Variants in CPLANE1 observed in about 807,000 individuals in gnomAD.
The protein encoded by CPLANE1 is ciliogenesis and planar polarity effector complex subunit 1, also known as ciliogenesis and planar polarity effector 1.
Under a neutral mutation model 362.5 loss-of-function variants are expected in CPLANE1, and 263 were observed. The observed-to-expected ratio is 0.73, with a 90% confidence interval of 0.66 to 0.80. The LOEUF is 0.80. Among genes scored for constraint, CPLANE1 ranks in the 30% least tolerant of loss-of-function variants. CPLANE1 has a pLI of 0.00. For missense variants in CPLANE1, 3,461 were observed against 3,793.4 expected (o/e 0.91, Z 2.30); for synonymous variants, 1,212 against 1,302.6 (o/e 0.93, Z 1.50).
At chr5:37,175,434 G>C (rs1220422709) in intron 31 of CPLANE1, among the ~76,000 whole-genome samples, 1 of 152,156 alleles carries the variant, frequency 6.6e-6, no homozygotes, top group Non-Finnish European at 1.5e-5. Flanking sequence ...GCTTTCAACA[G>C]GTCTCAAGGA....
chr5:37,095,442 T>TA, the CPLANE1 span, among the ~76,000 whole-genome samples: 1 of 152,172 alleles, frequency 6.6e-6, no homozygotes, highest in African/African-American at 2.4e-5. Flanking sequence ...CTCAATGTAA[T>TA]AAAAGACATC....
At chr5:37,166,470 T>C (rs1460180424) in intron 35 of CPLANE1, among the ~76,000 whole-genome samples, 3 of 152,158 alleles carry the variant, frequency 2.0e-5, no homozygotes, top group African/African-American at 7.2e-5. Context: ...AATAGATGAG[T>C]TCAGTGCAGT....
At chr5:37,130,125 C>G (rs1765347986) in intron 46 of CPLANE1, among the ~76,000 whole-genome samples, 1 of 152,136 alleles carries the variant, frequency 6.6e-6, no homozygotes, top group African/African-American at 2.4e-5. Flanking sequence ...GACCATTATC[C>G]TAAGTGAAAT....
chr5:37,167,540 A>G (rs1377047013), intron 34 of CPLANE1, among the ~76,000 whole-genome samples: 1 of 152,172 alleles, frequency 6.6e-6, no homozygotes, highest in Non-Finnish European at 1.5e-5. Context: ...GCACTTTGGG[A>G]GGTCGAGACG....
At chr5:37,247,185 C>T (rs941276288) in intron 2 of CPLANE1, among the ~76,000 whole-genome samples, 3 of 152,166 alleles carry the variant, frequency 2.0e-5, no homozygotes, top group East Asian at 1.9e-4. Flanking sequence ...GGATTACTAA[C>T]GTATTGTGGC....
chr5:37,241,413 CCA>C (rs755486066), intron 6 of CPLANE1, among the ~76,000 whole-genome samples: 1 of 152,028 alleles, frequency 6.6e-6, no homozygotes, highest in South Asian at 2.1e-4. Context: ...CAAGATTGCA[CCA>C]CCACACTCCA....
At chr5:37,149,771 A>G (rs887504935) in intron 42 of CPLANE1, among the ~76,000 whole-genome samples, 2 of 152,216 alleles carry the variant, frequency 1.3e-5, no homozygotes, top group African/African-American at 2.4e-5. Flanking sequence ...AAAACTGCAA[A>G]TAAGAGGGGA....
chr5:37,101,612 G>C (rs1757295958), downstream of CPLANE1, among the ~76,000 whole-genome samples: 2 of 152,146 alleles, frequency 1.3e-5, no homozygotes, highest in Admixed American at 6.5e-5. Flanking sequence ...GATGATGCTG[G>C]CCTTATAAAA....
chr5:37,210,181 A>G (rs1792193804), intron 16 of CPLANE1: 1 of 1,369,106 alleles, frequency 7.3e-7, no homozygotes, highest in Admixed American at 1.7e-5. Flanking sequence ...AGAATTCAAA[A>G]GCACCAAGAG....
At chr5:37,231,444 A>G (rs1381761536) in intron 8 of CPLANE1, among the ~76,000 whole-genome samples, 1 of 152,104 alleles carries the variant, frequency 6.6e-6, no homozygotes, top group Non-Finnish European at 1.5e-5. Context: ...GCGGGTGCCC[A>G]TAATCCCAGC....
At chr5:37,089,928 G>A in the CPLANE1 span, among the ~76,000 whole-genome samples, 1 of 152,026 alleles carries the variant, frequency 6.6e-6, no homozygotes, top group African/African-American at 2.4e-5. Context: ...TTCATTTTAT[G>A]GATGATATTC....
intron 21 of CPLANE1, among the ~76,000 whole-genome samples, chr5:37,190,269 T>C (rs975974937): frequency 2.0e-5 from 3 of 151,560 alleles, no homozygotes; most frequent in Non-Finnish European, 4.4e-5. Flanking sequence ...GAAACTTTTA[T>C]AGATTAAGAT....
chr5:37,174,111 C>T (rs1053574427), intron 31 of CPLANE1, among the ~76,000 whole-genome samples, 164 bp from the exon 32 acceptor site: 2 of 152,070 alleles, frequency 1.3e-5, no homozygotes, highest in African/African-American at 4.8e-5. Flanking sequence ...CTCTAGTGCC[C>T]GTCAGCCCCC....
intron 21 of CPLANE1, among the ~76,000 whole-genome samples, chr5:37,188,892 C>T (rs934351171): frequency 6.6e-6 from 1 of 152,134 alleles, no homozygotes; most frequent in Admixed American, 6.5e-5. Flanking sequence ...GAGTCTTGCT[C>T]TATCTTGCCC....
intron 39 of CPLANE1, 107 bp downstream of exon 39, chr5:37,158,117 G>A: frequency 2.4e-6 from 3 of 1,252,782 alleles, no homozygotes; most frequent in Non-Finnish European, 3.4e-6. Flanking sequence ...AAGCTACATA[G>A]ATGAGATTTT....
At chr5:37,158,432 C>A in intron 38 of CPLANE1, 87 bp from the exon 39 acceptor site, 2 of 1,250,772 alleles carry the variant, frequency 1.6e-6, no homozygotes, top group Admixed American at 2.6e-5. Context: ...AACAAGTTAG[C>A]AACAAACAAC....
chr5:37,141,122 C>T, intron 44 of CPLANE1: 2 of 985,378 alleles, frequency 2.0e-6, no homozygotes, highest in South Asian at 4.7e-5. Flanking sequence ...TTTCCCACAA[C>T]ACTAGCCAGG....
intron 35 of CPLANE1, 67 bp from the exon 36 acceptor site, chr5:37,165,738 G>T (rs762074725): frequency 1.4e-6 from 2 of 1,416,392 alleles, no homozygotes; most frequent in Non-Finnish European, 1.9e-6. Flanking sequence ...CATTTATCAT[G>T]CTATATAGGG....
chr5:37,095,899 T>G, the CPLANE1 span, among the ~76,000 whole-genome samples: 2 of 152,084 alleles, frequency 1.3e-5, no homozygotes, highest in African/African-American at 2.4e-5. Context: ...CAAGGGAAAC[T>G]ACAAAACAAT....
Sources: allele counts gnomAD v4.1 joint callset (sites outside exome capture counted in the v4.1 genomes callset), GRCh38; gene constraint gnomAD v4.1.1; transcripts MANE v1.5; gene names NCBI Gene and HGNC (gene_info 2026-07-23, HGNC 2026-07-21).